Variants in SLC12A5 observed in about 807,000 individuals in gnomAD.
SLC12A5 encodes solute carrier family 12 member 5.
Under a neutral mutation model 124.0 loss-of-function variants are expected in SLC12A5, and 18 were observed. The observed-to-expected ratio is 0.15, with a 90% CI of 0.10 to 0.22. The LOEUF is 0.22. Among genes scored for constraint, SLC12A5 ranks in the 10% least tolerant of loss-of-function variants. The pLI is 1.00. For synonymous variants in SLC12A5, 589 were observed against 568.0 expected (o/e 1.04, Z -0.53); for missense variants, 867 against 1,478.7 (o/e 0.59, Z 6.78).
chr20:46,038,281 T>C (rs900447368), intron 6 of SLC12A5: 1 of 152,128 alleles, frequency 6.6e-6, no homozygotes, highest in African/African-American at 2.4e-5. Context: ...CAGCCTCGAC[T>C]TCCCAGGTTC....
In SLC12A5 at chr20:46,029,308, G is replaced by A; in HGVS notation, c.-37G>A. On this transcript the variant is annotated 5_prime_UTR_variant, in exon 1 of 26. Coordinates refer to ENST00000243964, the MANE Select transcript of SLC12A5 (RefSeq NM_020708.5). The stretch of plus-strand genomic sequence containing the variant: ...CGGGTAGAGGGGCGCGGGCGAGGCG[G>A]CGCAGCCATCCCCGGACCAGGGGCC... 6.6e-7 allele frequency: 1 copy of A among 1,521,800 alleles called. No homozygotes were observed. Among genetic ancestry groups the A allele is most frequent in the South Asian group, 1.3e-5 (1 of 78,764 alleles). The allele number at this position is 1,521,800 out of a possible 1,614,324, so 94.3% of individuals were successfully genotyped here. A position where few individuals can be genotyped will look rare whatever the true frequency, so the allele number is the denominator to read the frequency against.
intron 1 of SLC12A5, among the ~76,000 whole-genome samples, chr20:46,031,806 G>GTCTGGC (rs1769940214): frequency 6.6e-6 from 1 of 152,196 alleles, no homozygotes; most frequent in Non-Finnish European, 1.5e-5. Flanking sequence ...GGAGGGCTCA[G>GTCTGGC]CCTCAGTCTG....
intron 20 of SLC12A5, among the ~76,000 whole-genome samples, chr20:46,054,149 G>A (rs1372985401): frequency 6.6e-6 from 1 of 152,204 alleles, no homozygotes; most frequent in Non-Finnish European, 1.5e-5. Flanking sequence ...TACACACAAA[G>A]GCTTATTGCT....
At position 46,040,322 on chromosome 20, in the gene SLC12A5, T is replaced by C. The variant is rs1390431769; in HGVS notation, c.613-51T>C. The C allele has an allele frequency of 3.1e-6, 5 of 1,603,976 alleles. No homozygotes were observed. In the East Asian group the frequency reaches 8.9e-5, roughly 29 times the overall value. On this transcript the variant is annotated intron_variant, in intron 6 of 25. Transcript: ENST00000243964. ...TTTTTTCCTAAAGCGCTGCATGTAGTGCAAAGGGCTGCTGACTTAGGTATC... is the reference window on the plus strand; with the variant it reads ...TTTTTTCCTAAAGCGCTGCATGTAGCGCAAAGGGCTGCTGACTTAGGTATC...
Position 46,056,664 on chromosome 20 carries a change from C to T in SLC12A5, c.3110+100C>T, listed in dbSNP as rs960109758. On this transcript the variant is annotated intron_variant, in intron 23 of 25. Coordinates refer to ENST00000243964, the MANE Select transcript of SLC12A5 (RefSeq NM_020708.5). This position sits in a 1 kb window ranked among gnomAD's most constrained non-coding sequence, Gnocchi z 4.3. ...GCAGAAGGCATCCTGGTCTGTCAGC[C>T]TGCAGACCCAGCTCAGACATTGTCT... The T allele has an allele frequency of 7.7e-7, 1 of 1,297,514 alleles. No individual in the cohort carries two copies. Among genetic ancestry groups the T allele is most frequent in the East Asian group, 2.4e-5 (1 of 41,474 alleles). The allele number at this position is 1,297,514 out of a possible 1,614,324, so 80.4% of individuals were successfully genotyped here.
chr20:46,057,740 G>A lies in SLC12A5; in HGVS notation c.*135G>A. ...CTGGCCCCTTACCCCGCTGCCTGAA[G>A]CCCGGAGGCCACGCCTGTTGGGGCT... On this transcript the variant is annotated 3_prime_UTR_variant, in exon 26 of 26. Transcript: ENST00000243964. This position sits in a 1 kb window ranked among gnomAD's most constrained non-coding sequence, Gnocchi z 7.1. 2 of 680,022 alleles carry A rather than the reference G, an allele frequency of 2.9e-6. No individual in the cohort carries two copies. Among genetic ancestry groups the A allele is most frequent in the Non-Finnish European group, 4.8e-6 (2 of 418,962 alleles). 42.1% of individuals were successfully genotyped at this position (680,022 alleles called of 1,614,324 possible).
chr20:46,025,364 G>T (rs898075282), upstream of SLC12A5, among the ~76,000 whole-genome samples: 30 of 152,156 alleles, frequency 2.0e-4, no homozygotes, highest in Non-Finnish European at 2.9e-5. Flanking sequence ...GAACCTCACT[G>T]CCCGGTACCT....
At position 46,057,790 on chromosome 20, in the gene SLC12A5, G is replaced by C. The variant is rs373853039; in HGVS notation, c.*185G>C. ...TGATTCGGAGAGGGCGCCCCGCCGC[G>C]CAGAGACCAGAGCTCCTCAGTGCCA... On this transcript the variant is annotated 3_prime_UTR_variant, in exon 26 of 26. Coordinates refer to ENST00000243964, the MANE Select transcript of SLC12A5 (RefSeq NM_020708.5). This position sits in a 1 kb window ranked among gnomAD's most constrained non-coding sequence, Gnocchi z 7.1. 7.1e-6 allele frequency: 4 copies of C among 562,238 alleles called. No homozygotes were observed. Among genetic ancestry groups the C allele is most frequent in the Non-Finnish European group, 9.3e-6 (3 of 322,874 alleles). The allele number at this position is 562,238 out of a possible 1,614,324, so 34.8% of individuals were successfully genotyped here. A position where few individuals can be genotyped will look rare whatever the true frequency, so the allele number is the denominator to read the frequency against.
intron 11 of SLC12A5, 34 bp from the exon 12 acceptor site, chr20:46,044,932 G>A: frequency 6.2e-7 from 1 of 1,613,584 alleles, no homozygotes; most frequent in Non-Finnish European, 8.5e-7. Flanking sequence ...AGGCAGCACT[G>A]CTCACCTGGC....
rs988997811 is a variant in SLC12A5, at chr20:46,058,202, C to T, written c.*597C>T. ...AGCGCAACAGACTTCTCGCCATAGTCGAGCTCTCCCGCTGGGGGCACTGCG... is the reference window on the plus strand; with the variant it reads ...AGCGCAACAGACTTCTCGCCATAGTTGAGCTCTCCCGCTGGGGGCACTGCG... On this transcript the variant is annotated 3_prime_UTR_variant, in exon 26 of 26. Transcript: ENST00000243964. The surrounding 1 kb of genome is among the most constrained non-coding windows in gnomAD (Gnocchi z 5.8). The T allele has an allele frequency of 4.0e-5, 14 of 352,422 alleles. No homozygotes were observed. The highest frequency in any genetic ancestry group is 7.1e-5 in the Non-Finnish European group (14 of 197,212). 21.8% of individuals were successfully genotyped at this position (352,422 alleles called of 1,614,324 possible).
At chr20:46,024,650 T>G (rs2084381768), upstream of SLC12A5, among the ~76,000 whole-genome samples, 2 of 152,178 alleles carry the variant, frequency 1.3e-5, no homozygotes, top group East Asian at 3.9e-4. Context: ...GTTTGCCACT[T>G]GGGGGGCTTT....
intron 4 of SLC12A5, 156 bp downstream of exon 4, chr20:46,036,079 C>CTGCA (rs1316674048): frequency 5.8e-6 from 5 of 867,430 alleles, no homozygotes; most frequent in Admixed American, 3.2e-5. Context: ...CTGGTCCTTC[C>CTGCA]TGCATCTCAC....
chr20:46,049,641 G>T lies in SLC12A5; in HGVS notation c.2032G>T (p.Val678Leu). The change falls in exon 17 of 26, where the codon GTG becomes TTG. Residue 678 changes from valine to leucine, a missense_variant. Transcript: ENST00000243964. ...KNWRPQLLVL[V>L]RVDQDQNVVH... ...CTTCAGGCCACAGCTGCTGGTGCTG[G>T]TGCGTGTGGACCAAGACCAGAATGT... 4.4e-6 allele frequency: 7 copies of T among 1,605,268 alleles called. No homozygotes were observed. Among genetic ancestry groups the T allele is most frequent in the Non-Finnish European group, 8.5e-7 (1 of 1,176,040 alleles).
In SLC12A5 at chr20:46,043,919, C is replaced by T. The variant is rs2084571064; in HGVS notation, c.1380C>T (p.Val460=). The T allele has an allele frequency of 3.1e-6, 5 of 1,605,324 alleles. No individual in the cohort carries two copies. The highest frequency in any genetic ancestry group is 1.7e-5 in the Admixed American group (1 of 59,126). The change falls in exon 11 of 26, where the codon GTC becomes GTT. Residue 460 remains valine (V), a synonymous_variant. Coordinates refer to ENST00000243964, the MANE Select transcript of SLC12A5 (RefSeq NM_020708.5). ...TGTTTGGGGCCTGCATTGAGGGGGT[C>T]GTCCTGCGGGACAAGTAAGATAATT... The part of the protein sequence containing the change: ...VVLFGACIEG[V]VLRDKFGEAV...
chr20:46,046,043 C>T lies in SLC12A5; in HGVS notation c.1688+47C>T, dbSNP rs6032633. 9.0e-5 allele frequency: 141 copies of T among 1,559,228 alleles called. No homozygotes were observed. In the African/African-American group the frequency reaches 1.5e-3, roughly 17 times the overall value. On this transcript the variant is annotated intron_variant, in intron 13 of 25. Transcript: ENST00000243964. ...CTCCCCCCTGGTTCAGGGTGTTTCT[C>T]TATCTGAATCCTGCAGCCGTTACCT... is the stretch of plus-strand genomic sequence containing the variant.
rs919242071 is a variant in SLC12A5 at position 46,036,597 on chromosome 20, G to C, written c.427-144G>C. 3.5e-5 allele frequency: 26 copies of C among 734,154 alleles called. No individual in the cohort carries two copies. The Admixed American group carries it at 6.2e-4, about 17-fold the overall frequency. The allele number at this position is 734,154 out of a possible 1,614,324, so 45.5% of individuals were successfully genotyped here. A position where few individuals can be genotyped will look rare whatever the true frequency, so the allele number is the denominator to read the frequency against. ...TGAGAAGAAGGACTTGGCAGGAGTA[G>C]AAGTTGGAACAGGTCCAGGGAGCAG... On this transcript the variant is annotated intron_variant, in intron 4 of 25. Transcript: ENST00000243964.
exon 2 of SLC12A5, chr20:46,022,962 GGAGGAGGAGGAGGAA>G (rs1187735812): frequency 1.5e-4 from 60 of 398,246 alleles, no homozygotes; most frequent in Middle Eastern, 6.3e-4. Flanking sequence ...AGGAGGAGGA[GGAGGAGGAGGAGGAA>G]GAGGAGGAGG....
At position 46,053,540 on chromosome 20, in the gene SLC12A5, T is replaced by G. The variant is rs201643049; in HGVS notation, c.2548-38T>G. 1.2e-6 allele frequency: 2 copies of G among 1,611,050 alleles called. No homozygotes were observed. Among genetic ancestry groups the G allele is most frequent in the African/African-American group, 2.7e-5 (2 of 75,044 alleles). ...TGGCCCTGGATCTCCTCATCACATC[T>G]GGGCTGGACCTTTCTGAATCCCCTT... is the stretch of plus-strand genomic sequence containing the variant. On this transcript the variant is annotated intron_variant, in intron 19 of 25. Transcript: ENST00000243964. The surrounding 1 kb of genome is among the most constrained non-coding windows in gnomAD (Gnocchi z 4.7).
intron 16 of SLC12A5, among the ~76,000 whole-genome samples, chr20:46,048,485 T>G (rs16991024): frequency 0.03 from 4,622 of 152,280 alleles, 163 homozygotes; most frequent in Admixed American, 0.11. Flanking sequence ...CATGTAGCAT[T>G]TGCTCTGAGA....
Sources: allele counts gnomAD v4.1 joint callset (sites outside exome capture counted in the v4.1 genomes callset), GRCh38; gene constraint gnomAD v4.1.1; non-coding constraint Gnocchi (gnomAD v3.1); transcripts MANE v1.5; gene names NCBI Gene and HGNC (gene_info 2026-07-23, HGNC 2026-07-21).